The following SEL1L2 variants were observed in gnomAD, a reference collection of about 807,000 sequenced individuals.
The protein encoded by SEL1L2 is SEL1L2 adaptor subunit of SYVN1 ubiquitin ligase, also known as protein sel-1 homolog 2.
SEL1L2 carries 89 observed loss-of-function variants against 98.8 expected under a neutral mutation model. The ratio of observed to expected loss-of-function variants is 0.90; its 90% confidence interval spans 0.76 to 1.07. The LOEUF (loss-of-function observed/expected upper bound fraction) is 1.07, where lower values mean the gene tolerates loss of function less well. Among genes scored for constraint, SEL1L2 ranks in the 50% least tolerant of loss-of-function variants. The probability of loss-of-function intolerance (pLI) is 0.00; values close to 1 mark genes in which losing one functional copy is unlikely to be tolerated. For missense variants in SEL1L2, 788 were observed against 812.0 expected, an observed-to-expected ratio of 0.97 and a Z score of 0.36; for synonymous variants, 262 against 278.5, an observed-to-expected ratio of 0.94 and a Z score of 0.59.
upstream of SEL1L2, among the ~76,000 whole-genome samples, chr20:13,994,174 T>TA (rs2052586636): frequency 6.6e-6 from 1 of 151,578 alleles, no homozygotes; most frequent in Non-Finnish European, 1.5e-5. Context: ...CGCATGCCTG[T>TA]AATCTCAGCT....
intron 1 of SEL1L2, among the ~76,000 whole-genome samples, chr20:13,990,261 T>C (rs2052477326): frequency 6.6e-6 from 1 of 152,152 alleles, no homozygotes; most frequent in Non-Finnish European, 1.5e-5. Context: ...CCCCACACCC[T>C]TCCCAAGTAC....
intron 5 of SEL1L2, among the ~76,000 whole-genome samples, chr20:13,891,864 C>T (rs1332243395): frequency 1.3e-5 from 2 of 151,898 alleles, no homozygotes; most frequent in African/African-American, 4.8e-5. Flanking sequence ...GACTCTAGAA[C>T]TCTAGAAAGC....
Position 13,956,416 on chromosome 20 carries a change from A to C in SEL1L2, c.59-285T>G, listed in dbSNP as rs548047987. Reference sequence around the variant, plus strand: ...AAGAGTTCTATAAATCATAGAGCTAATTACAATAGTGGAAAACTTTCTGAG... The same window carrying C: ...AAGAGTTCTATAAATCATAGAGCTACTTACAATAGTGGAAAACTTTCTGAG... On this transcript the variant is annotated intron_variant, in intron 1 of 19. Transcript: ENST00000284951. 9.9e-5 allele frequency among the ~76,000 whole-genome samples: 15 copies of C among 152,250 alleles called. No homozygotes were observed. In the East Asian group the frequency reaches 1.7e-3, roughly 18 times the overall value.
At chr20:13,850,712 C>T (rs553065167) in intron 18 of SEL1L2, among the ~76,000 whole-genome samples, 2 of 152,258 alleles carry the variant, frequency 1.3e-5, no homozygotes, top group South Asian at 2.1e-4. Context: ...CCCCAGAGCC[C>T]TCAATAAAGA....
intron 9 of SEL1L2, 30 bp from the exon 10 acceptor site, chr20:13,885,433 A>G (rs1388570673): frequency 1.4e-6 from 2 of 1,410,500 alleles, no homozygotes; most frequent in East Asian, 4.5e-5. Context: ...AAATGATTTT[A>G]GCAGCAGTAT....
chr20:13,856,774 T>C (rs1479085994), intron 18 of SEL1L2, among the ~76,000 whole-genome samples: 1 of 152,242 alleles, frequency 6.6e-6, no homozygotes, highest in Non-Finnish European at 1.5e-5. Context: ...AATGTCTGCA[T>C]GTTTATAAAG....
chr20:13,931,170 A>G (rs1396903002), intron 3 of SEL1L2, among the ~76,000 whole-genome samples: 1 of 151,482 alleles, frequency 6.6e-6, no homozygotes, highest in Non-Finnish European at 1.5e-5. Context: ...CAGCCTCCCG[A>G]GTAGCTGGGA....
chr20:13,937,404 C>T (rs1227606549), intron 2 of SEL1L2, among the ~76,000 whole-genome samples: 1 of 152,190 alleles, frequency 6.6e-6, no homozygotes, highest in Non-Finnish European at 1.5e-5. Context: ...GGAATTCGTG[C>T]CTTACAAAGT....
intron 1 of SEL1L2, among the ~76,000 whole-genome samples, chr20:13,982,508 C>CA (rs10713892): frequency 0.014 from 949 of 67,568 alleles, 37 homozygotes; most frequent in African/African-American, 0.036. Context: ...GAGACTCTGC[C>CA]AAAAAAAAAA....
At chr20:13,978,719 A>T in intron 1 of SEL1L2, among the ~76,000 whole-genome samples, 1 of 152,134 alleles carries the variant, frequency 6.6e-6, no homozygotes, top group East Asian at 1.9e-4. Flanking sequence ...ACAAATAAAA[A>T]ATAAAATAAA....
At chr20:13,954,867 C>A (rs1268585534) in intron 2 of SEL1L2, among the ~76,000 whole-genome samples, 4 of 152,154 alleles carry the variant, frequency 2.6e-5, no homozygotes, top group African/African-American at 9.7e-5. Context: ...TGAAGACAAA[C>A]TGAGATTTAG....
At chr20:13,855,231 A>G (rs1372152814) in intron 18 of SEL1L2, among the ~76,000 whole-genome samples, 1 of 152,128 alleles carries the variant, frequency 6.6e-6, no homozygotes, top group Non-Finnish European at 1.5e-5. Flanking sequence ...AGGGGAAGGA[A>G]TAAGTAGCCT....
At chr20:13,950,422 G>C (rs949202604) in intron 2 of SEL1L2, among the ~76,000 whole-genome samples, 3 of 152,108 alleles carry the variant, frequency 2.0e-5, no homozygotes, top group Non-Finnish European at 4.4e-5. Flanking sequence ...GGGGTGATGA[G>C]GTATCAACTT....
chr20:13,940,032 G>A (rs2049682362), intron 2 of SEL1L2, among the ~76,000 whole-genome samples: 1 of 152,180 alleles, frequency 6.6e-6, no homozygotes, highest in Non-Finnish European at 1.5e-5. Context: ...ATTTATGCTA[G>A]GCATTCACTA....
At chr20:13,974,358 TA>T (rs1461701149) in intron 1 of SEL1L2, among the ~76,000 whole-genome samples, 1 of 152,082 alleles carries the variant, frequency 6.6e-6, no homozygotes, top group Non-Finnish European at 1.5e-5. Context: ...TAGCCTTTCC[TA>T]AGTCTTGCCC....
intron 3 of SEL1L2, among the ~76,000 whole-genome samples, chr20:13,930,482 T>C (rs1413376834): frequency 6.6e-6 from 1 of 152,190 alleles, no homozygotes; most frequent in African/African-American, 2.4e-5. Context: ...AAATAAATAG[T>C]CTCTTTATTA....
At chr20:13,915,108 T>C (rs1352734562) in intron 4 of SEL1L2, 1 of 1,287,984 alleles carries the variant, frequency 7.8e-7, no homozygotes, top group Non-Finnish European at 1.0e-6. Context: ...TTTAGGAGGA[T>C]CAGGAGACTC....
At chr20:13,874,446 G>A (rs181205517) in intron 12 of SEL1L2, among the ~76,000 whole-genome samples, 15 of 152,182 alleles carry the variant, frequency 9.9e-5, no homozygotes, top group African/African-American at 3.4e-4. Context: ...CGGGTTCAGC[G>A]CACCGGAGAC....
intron 10 of SEL1L2, among the ~76,000 whole-genome samples, 155 bp downstream of exon 10, chr20:13,885,192 C>T (rs911069213): frequency 1.3e-5 from 2 of 152,100 alleles, no homozygotes; most frequent in African/African-American, 4.8e-5. Context: ...CTTAGTTCTT[C>T]CTAAGAAGCT....
Sources: gnomAD v4.1 joint callset for allele counts (sites outside exome capture counted in the v4.1 genomes callset) on GRCh38, gnomAD v4.1.1 for gene constraint, MANE v1.5 for transcripts, NCBI Gene and HGNC (gene_info 2026-07-23, HGNC 2026-07-21) for gene names.